PRKCB: variants seen among roughly 807,000 people sequenced by gnomAD.
The protein encoded by PRKCB is protein kinase C beta, also known as protein kinase C beta type.
Under a neutral mutation model 81.5 loss-of-function variants are expected in PRKCB, and 13 were observed. The ratio of observed to expected loss-of-function variants is 0.16; its 90% CI spans 0.10 to 0.25. The LOEUF (loss-of-function observed/expected upper bound fraction) is 0.25, where lower values mean the gene tolerates loss of function less well. PRKCB is among the 10% of genes least tolerant of loss of function. The pLI is 1.00. For missense variants in PRKCB, 509 were observed against 875.7 expected, an observed-to-expected ratio of 0.58 and a Z score of 5.29; for synonymous variants, 335 against 321.4, an observed-to-expected ratio of 1.04 and a Z score of -0.45.
At position 23,877,167 on chromosome 16, in the gene PRKCB, T is replaced by C. The variant is rs140378116; in HGVS notation, c.205+39761T>C. ...ATGCAAATTTCCCACCTGGGTAACA[T>C]AGTGAGACCCTGTCCTTAAAAAAAA... On this transcript the variant is annotated intron_variant, in intron 2 of 16. Coordinates refer to ENST00000643927, the MANE Select transcript of PRKCB (RefSeq NM_002738.7). Among the ~76,000 whole-genome samples the C allele has an allele frequency of 1.8e-3, 270 of 151,834 alleles. 1 individual carries two copies. The highest frequency in any genetic ancestry group is 2.8e-3 in the Admixed American group (43 of 15,274).
At chr16:24,118,394 C>A (rs1596556098) in intron 8 of PRKCB, among the ~76,000 whole-genome samples, 1 of 152,220 alleles carries the variant, frequency 6.6e-6, no homozygotes, top group East Asian at 1.9e-4. Context: ...ATAAATAAAG[C>A]TCAGAACATC....
intron 2 of PRKCB, chr16:23,869,303 A>C (rs958779910): frequency 9.3e-6 from 3 of 323,626 alleles, no homozygotes; most frequent in African/African-American, 6.5e-5. Context: ...GAAAAGACAC[A>C]GGAAGTAGAA....
chr16:23,911,096 G>A (rs1323076147), intron 2 of PRKCB, among the ~76,000 whole-genome samples: 1 of 133,148 alleles, frequency 7.5e-6, no homozygotes, highest in Non-Finnish European at 1.6e-5. Context: ...TCCACTTTTT[G>A]GCTGTTATAA....
chr16:24,211,791 C>T (rs1016319101), intron 16 of PRKCB, among the ~76,000 whole-genome samples: 5 of 152,124 alleles, frequency 3.3e-5, no homozygotes, highest in Admixed American at 1.3e-4. Flanking sequence ...AACTCTTGAT[C>T]TCAGGTGATC....
intron 2 of PRKCB, among the ~76,000 whole-genome samples, chr16:23,973,497 T>C (rs1471803197): frequency 6.6e-6 from 1 of 151,796 alleles, no homozygotes; most frequent in Non-Finnish European, 1.5e-5. Context: ...TCAGTGTTTT[T>C]AATGTGTTGT....
At chr16:24,170,450 G>A (rs894205552) in intron 10 of PRKCB, among the ~76,000 whole-genome samples, 11 of 152,106 alleles carry the variant, frequency 7.2e-5, no homozygotes, top group African/African-American at 2.7e-4. Context: ...ACATAAGAGG[G>A]ACTTCAGTTC....
chr16:24,127,927 T>C (rs1484368549), intron 9 of PRKCB, among the ~76,000 whole-genome samples: 1 of 152,192 alleles, frequency 6.6e-6, no homozygotes, highest in Non-Finnish European at 1.5e-5. Context: ...TTTTGCAGTC[T>C]GGTTAGGTAT....
At chr16:24,096,387 C>T (rs1431446087) in intron 7 of PRKCB, among the ~76,000 whole-genome samples, 2 of 152,092 alleles carry the variant, frequency 1.3e-5, no homozygotes, top group African/African-American at 4.8e-5. Flanking sequence ...GATCAAATCT[C>T]TTTCACTGAC....
At chr16:24,014,040 G>A (rs954926401) in intron 3 of PRKCB, among the ~76,000 whole-genome samples, 2 of 152,242 alleles carry the variant, frequency 1.3e-5, no homozygotes, top group East Asian at 3.8e-4. Flanking sequence ...CTTCTATACA[G>A]AGGATCTTTC....
intron 3 of PRKCB, among the ~76,000 whole-genome samples, chr16:24,013,233 G>T (rs1479851032): frequency 2.0e-5 from 3 of 152,114 alleles, no homozygotes; most frequent in Non-Finnish European, 4.4e-5. Context: ...ATATCTTAGG[G>T]ACATCTAAAT....
intron 16 of PRKCB, among the ~76,000 whole-genome samples, chr16:24,210,363 T>A (rs198180): frequency 0.51 from 77,901 of 151,744 alleles, 20,597 homozygotes; most frequent in African/African-American, 0.64. Flanking sequence ...TTGCACTTGC[T>A]GCTCCCTCTG....
chr16:24,020,304 G>A (rs890649985), intron 3 of PRKCB, among the ~76,000 whole-genome samples: 4 of 152,142 alleles, frequency 2.6e-5, no homozygotes, highest in African/African-American at 7.2e-5. Flanking sequence ...AATAAAAATG[G>A]CAGTACTGAA....
chr16:23,990,073 A>T (rs1964861452), intron 3 of PRKCB, among the ~76,000 whole-genome samples: 2 of 152,124 alleles, frequency 1.3e-5, no homozygotes, highest in African/African-American at 4.8e-5. Context: ...AGAGTGGAAA[A>T]CTTAAAAGAA....
intron 2 of PRKCB, among the ~76,000 whole-genome samples, chr16:23,863,574 A>G (rs1170573430): frequency 1.3e-5 from 2 of 152,088 alleles, no homozygotes; most frequent in Non-Finnish European, 2.9e-5. Context: ...TGCCCTATCT[A>G]GCTGTGGATT....
At chr16:23,848,453 A>G (rs749463529) in intron 2 of PRKCB, among the ~76,000 whole-genome samples, 1 of 152,186 alleles carries the variant, frequency 6.6e-6, no homozygotes, top group South Asian at 2.1e-4. Context: ...TTGGAATTTC[A>G]TGTCAGTCAT....
At position 24,218,661 on chromosome 16, in the gene PRKCB, A is replaced by C; in HGVS notation, c.*3845A>C. The stretch of plus-strand genomic sequence containing the variant: ...GTGAACCCAGCAATGAGAGATCCTT[A>C]ACAGCTAGTGCCCATTAGGGGGCTA... On this transcript the variant is annotated 3_prime_UTR_variant, in exon 17 of 17. Transcript: ENST00000643927. 1 of 985,390 alleles carries C rather than the reference A, an allele frequency of 1.0e-6. No individual in the cohort carries two copies. The highest frequency in any genetic ancestry group is 1.2e-6 in the Non-Finnish European group (1 of 829,946). The allele number at this position is 985,390 out of a possible 1,614,324, so 61.0% of individuals were successfully genotyped here.
At chr16:24,072,067 G>A (rs971927415) in intron 5 of PRKCB, among the ~76,000 whole-genome samples, 2 of 142,468 alleles carry the variant, frequency 1.4e-5, no homozygotes, top group African/African-American at 5.3e-5. Context: ...AAAATTTGCT[G>A]AGGTGAAATT....
At position 24,218,457 on chromosome 16, in the gene PRKCB, T is replaced by TGCCCCA; in HGVS notation, c.*3642_*3647dup. On this transcript the variant is annotated 3_prime_UTR_variant, in exon 17 of 17. Transcript: ENST00000643927. ...AAACAGCTCCATCAGCATCTTAGCC[T>TGCCCCA]GCCCCACTCTAGCCACACATACCCA... is the stretch of plus-strand genomic sequence containing the variant. The TGCCCCA allele has an allele frequency of 4.1e-6, 4 of 985,420 alleles. No individual in the cohort carries two copies. The highest frequency in any genetic ancestry group is 4.8e-6 in the Non-Finnish European group (4 of 829,968). 61.0% of individuals were successfully genotyped at this position (985,420 alleles called of 1,614,324 possible).
At chr16:24,155,445 T>A (rs948426675) in intron 10 of PRKCB, among the ~76,000 whole-genome samples, 1 of 152,120 alleles carries the variant, frequency 6.6e-6, no homozygotes, top group African/African-American at 2.4e-5. Context: ...AGAGCAAGAG[T>A]CCCTGCTTTA....
Sources: gnomAD v4.1 joint callset for allele counts (sites outside exome capture counted in the v4.1 genomes callset) on GRCh38, gnomAD v4.1.1 for gene constraint, MANE v1.5 for transcripts, NCBI Gene and HGNC (gene_info 2026-07-23, HGNC 2026-07-21) for gene names.